Variants in COX7B2 observed in about 807,000 individuals in gnomAD.
COX7B2 encodes cytochrome c oxidase subunit 7B2.
For missense variants in COX7B2, 109 were observed against 95.9 expected, an observed-to-expected ratio of 1.14 and a Z score of -0.57; for synonymous variants, 37 against 32.1, an observed-to-expected ratio of 1.15 and a Z score of -0.51.
chr4:46,908,738 C>CAAA (rs34388680), intron 1 of COX7B2, among the ~76,000 whole-genome samples: 14,280 of 120,918 alleles, frequency 0.12, 1,344 homozygotes, highest in East Asian at 0.31. Context: ...AGGAAAGTGG[C>CAAA]AAAAAAAAAA....
intron 1 of COX7B2, among the ~76,000 whole-genome samples, chr4:46,895,495 G>A (rs1719705512): frequency 6.6e-6 from 1 of 152,070 alleles, no homozygotes; most frequent in Non-Finnish European, 1.5e-5. Context: ...CTTGAGGGTG[G>A]AGAGTAAGAG....
At chr4:46,865,116 C>T (rs1332510227) in intron 1 of COX7B2, among the ~76,000 whole-genome samples, 1 of 152,066 alleles carries the variant, frequency 6.6e-6, no homozygotes, top group Non-Finnish European at 1.5e-5. Context: ...TTCTACTCTC[C>T]CCCTTCTGAG....
chr4:46,741,866 G>C (rs2109401550), intron 2 of COX7B2, among the ~76,000 whole-genome samples: 1 of 152,184 alleles, frequency 6.6e-6, no homozygotes, highest in East Asian at 1.9e-4. Context: ...CTGAGAATCT[G>C]TATTTTTTAA....
chr4:46,753,287 A>G (rs7442129), intron 2 of COX7B2, among the ~76,000 whole-genome samples: 49,639 of 151,548 alleles, frequency 0.33, 8,375 homozygotes, highest in South Asian at 0.47. Context: ...TTTTTATTGC[A>G]TCTATTTGAT....
chr4:46,743,022 T>C (rs1714807896), intron 2 of COX7B2, among the ~76,000 whole-genome samples: 2 of 152,136 alleles, frequency 1.3e-5, no homozygotes, highest in Non-Finnish European at 2.9e-5. Flanking sequence ...CTTCCAACTA[T>C]ACTCACTCTT....
intron 1 of COX7B2, among the ~76,000 whole-genome samples, chr4:46,901,312 A>T (rs1720057083): frequency 6.6e-6 from 1 of 152,210 alleles, no homozygotes; most frequent in African/African-American, 2.4e-5. Flanking sequence ...GCTATGAGAC[A>T]TTCTCAATCA....
chr4:46,737,605 G>A (rs1714441941), intron 2 of COX7B2, among the ~76,000 whole-genome samples: 1 of 152,122 alleles, frequency 6.6e-6, no homozygotes, highest in Admixed American at 6.6e-5. Flanking sequence ...GAAATTAGAT[G>A]TGCATTTCAT....
At chr4:46,843,680 C>T (rs868542364) in intron 2 of COX7B2, among the ~76,000 whole-genome samples, 9 of 151,902 alleles carry the variant, frequency 5.9e-5, no homozygotes, top group African/African-American at 2.2e-4. Flanking sequence ...AATTGTAGTT[C>T]TGCAAATTAT....
chr4:46,777,554 A>C (rs1358100145), intron 2 of COX7B2, among the ~76,000 whole-genome samples: 1 of 152,146 alleles, frequency 6.6e-6, no homozygotes, highest in Non-Finnish European at 1.5e-5. Context: ...CCTTTGACTA[A>C]ACAAGGACAA....
At chr4:46,743,252 A>C (rs1247985468) in intron 2 of COX7B2, among the ~76,000 whole-genome samples, 1 of 152,208 alleles carries the variant, frequency 6.6e-6, no homozygotes, top group Non-Finnish European at 1.5e-5. Context: ...TCACCAGCTA[A>C]GGTCCCAAAA....
At chr4:46,859,957 A>G (rs1390935748) in intron 1 of COX7B2, among the ~76,000 whole-genome samples, 1 of 152,182 alleles carries the variant, frequency 6.6e-6, no homozygotes, top group African/African-American at 2.4e-5. Flanking sequence ...ACTCTTCTGT[A>G]CACTGCCGCT....
chr4:46,841,569 T>C (rs1577643108), intron 2 of COX7B2, among the ~76,000 whole-genome samples: 2 of 152,042 alleles, frequency 1.3e-5, no homozygotes, highest in South Asian at 2.1e-4. Flanking sequence ...ATAATGCCTA[T>C]ACATCTGACC....
intron 2 of COX7B2, among the ~76,000 whole-genome samples, chr4:46,751,748 A>T (rs1338520548): frequency 6.6e-6 from 1 of 152,114 alleles, no homozygotes; most frequent in African/African-American, 2.4e-5. Context: ...CCAGGCAAAG[A>T]TTAGAAATTT....
chr4:46,755,102 C>A (rs1257374817), intron 2 of COX7B2, among the ~76,000 whole-genome samples: 2 of 151,808 alleles, frequency 1.3e-5, no homozygotes, highest in Non-Finnish European at 2.9e-5. Context: ...TTAAGGTGAG[C>A]TTTACCCCAG....
chr4:46,831,407 C>T (rs755780370), intron 2 of COX7B2, among the ~76,000 whole-genome samples: 1 of 152,168 alleles, frequency 6.6e-6, no homozygotes, highest in East Asian at 1.9e-4. Flanking sequence ...CCTGTCCCAT[C>T]GACCACCCAG....
intron 2 of COX7B2, among the ~76,000 whole-genome samples, chr4:46,748,784 A>G (rs1715175666): frequency 6.6e-6 from 1 of 152,042 alleles, no homozygotes; most frequent in African/African-American, 2.4e-5. Flanking sequence ...TCTTCTAACA[A>G]ATTCTTAGAA....
intron 1 of COX7B2, among the ~76,000 whole-genome samples, chr4:46,883,507 G>A (rs1043780253): frequency 6.6e-6 from 1 of 152,066 alleles, no homozygotes; most frequent in Admixed American, 6.6e-5. Flanking sequence ...AGTCCAAGGC[G>A]AGTGGATCGC....
chr4:46,878,875 T>A (rs973982615), intron 1 of COX7B2, among the ~76,000 whole-genome samples: 2 of 152,124 alleles, frequency 1.3e-5, no homozygotes, highest in African/African-American at 4.8e-5. Context: ...GGCCAGAACT[T>A]AACCACACAG....
At chr4:46,765,505 G>C (rs1343449154) in intron 2 of COX7B2, among the ~76,000 whole-genome samples, 2 of 152,134 alleles carry the variant, frequency 1.3e-5, no homozygotes, top group African/African-American at 4.8e-5. Flanking sequence ...ACGTGGGCCT[G>C]TCCTCCAGAC....
Sources: allele counts gnomAD v4.1 joint callset (sites outside exome capture counted in the v4.1 genomes callset), GRCh38; gene constraint gnomAD v4.1.1; transcripts MANE v1.5; gene names NCBI Gene and HGNC (gene_info 2026-07-23, HGNC 2026-07-21).